The following FAM13A variants were observed in gnomAD, a reference collection of about 807,000 sequenced individuals.
FAM13A encodes protein FAM13A.
A neutral mutation model predicts 129.6 loss-of-function variants in FAM13A; 76 were observed. The observed-to-expected ratio is 0.59, with a 90% CI of 0.49 to 0.71. The LOEUF is 0.71. Ranked by LOEUF, FAM13A falls within the 30% of genes least tolerant of loss-of-function variation. The probability of loss-of-function intolerance (pLI) is 0.00; values close to 1 mark genes in which losing one functional copy is unlikely to be tolerated. For synonymous variants in FAM13A, 443 were observed against 449.9 expected (o/e 0.98, Z 0.20); for missense variants, 1,108 against 1,249.3 (o/e 0.89, Z 1.70).
rs764629257 is a variant in FAM13A at position 88,746,958 on chromosome 4, A to G, written c.2440T>C (p.Tyr814His). 7 of 1,613,566 alleles carry G rather than the reference A, an allele frequency of 4.3e-6. No individual in the cohort carries two copies. Among genetic ancestry groups the G allele is most frequent in the Middle Eastern group, 1.6e-4 (1 of 6,084 alleles). ...EKVALQKALL[Y>H]YESIHGRPVT... ...GGCCGTCCATGAATGCTTTCATAAT[A>G]TAACAGAGCTTTCTGCAGAGCCACT... The change falls in exon 19 of 24, where the codon TAT becomes CAT. Residue 814 changes from tyrosine (Y) to histidine (H), a missense_variant. Transcript: ENST00000264344.
intron 6 of FAM13A, among the ~76,000 whole-genome samples, chr4:88,904,456 T>C (rs933388535): frequency 6.6e-6 from 1 of 152,168 alleles, no homozygotes; most frequent in Non-Finnish European, 1.5e-5. Flanking sequence ...AATGAGATCA[T>C]GTCCTTTCTA....
At chr4:88,888,796 T>C (rs983070554) in intron 6 of FAM13A, among the ~76,000 whole-genome samples, 1 of 142,272 alleles carries the variant, frequency 7.0e-6, no homozygotes, top group East Asian at 2.0e-4. Flanking sequence ...ATTAGCCGGG[T>C]GTGTTGGCGG....
intron 6 of FAM13A, among the ~76,000 whole-genome samples, chr4:88,898,799 G>C (rs1458515008): frequency 6.6e-6 from 1 of 151,882 alleles, no homozygotes; most frequent in Non-Finnish European, 1.5e-5. Context: ...TGGTAAAAAG[G>C]GAACACTTCT....
At chr4:88,783,216 G>A (rs13118477) in intron 10 of FAM13A, among the ~76,000 whole-genome samples, 65,965 of 151,866 alleles carry the variant, frequency 0.43, 14,562 homozygotes, top group East Asian at 0.66. Flanking sequence ...CAAATACTAG[G>A]TCTTTTGCAA....
chr4:88,766,633 T>C (rs1224110739), intron 13 of FAM13A, among the ~76,000 whole-genome samples: 2 of 152,190 alleles, frequency 1.3e-5, no homozygotes, highest in Non-Finnish European at 2.9e-5. Flanking sequence ...TAAGCTGCTA[T>C]GCTGTAAAAC....
chr4:88,728,244 A>C lies in FAM13A; in HGVS notation c.*289T>G. On this transcript the variant is annotated 3_prime_UTR_variant, in exon 24 of 24. Coordinates refer to ENST00000264344, the MANE Select transcript of FAM13A (RefSeq NM_014883.4). ...GTAGTGATTAATCTCTGCTAGTGTTAGGAAAGCTCCACTACTGTGTGTGTG... is the reference window on the plus strand; with the variant it reads ...GTAGTGATTAATCTCTGCTAGTGTTCGGAAAGCTCCACTACTGTGTGTGTG... 2.3e-6 allele frequency: 1 copy of C among 432,272 alleles called. No individual in the cohort carries two copies. Among genetic ancestry groups the C allele is most frequent in the Non-Finnish European group, 4.3e-6 (1 of 235,178 alleles). The allele number at this position is 432,272 out of a possible 1,614,324, so 26.8% of individuals were successfully genotyped here.
In FAM13A at chr4:88,899,106, A is replaced by G. The variant is rs952316002; in HGVS notation, c.843+7273T>C. Among the ~76,000 whole-genome samples, 30 of 145,474 alleles carry G rather than the reference A, an allele frequency of 2.1e-4. 1 individual carries two copies. The highest frequency in any genetic ancestry group is 1.5e-5 in the Non-Finnish European group (1 of 64,572). On this transcript the variant is annotated intron_variant, in intron 6 of 23. Transcript: ENST00000264344. ...TGTGTGTGTATGTATATATACACAC[A>G]CACATACATATATATATATACATAC...
intron 6 of FAM13A, among the ~76,000 whole-genome samples, chr4:88,886,588 TAAAAAGAAAAA>T (rs1048425170): frequency 9.9e-5 from 14 of 142,016 alleles, no homozygotes; most frequent in African/African-American, 3.7e-4. Flanking sequence ...GACTCCATCT[TAAAAAGAAAAA>T]AAAAAGAAAG....
chr4:89,028,400 T>C (rs2149127378), intron 2 of FAM13A, among the ~76,000 whole-genome samples: 1 of 152,060 alleles, frequency 6.6e-6, no homozygotes, highest in Middle Eastern at 3.4e-3. Context: ...AATCCCTTCA[T>C]GGCTGAGCAT....
At chr4:88,729,959 A>C (rs759202254) in intron 23 of FAM13A, 10 of 152,248 alleles carry the variant, frequency 6.6e-5, no homozygotes, top group African/African-American at 9.6e-5. Context: ...TATTTTCTAA[A>C]TACTGTGCAA....
chr4:88,883,381 A>G (rs932015618), intron 6 of FAM13A, among the ~76,000 whole-genome samples: 1 of 152,138 alleles, frequency 6.6e-6, no homozygotes, highest in East Asian at 1.9e-4. Flanking sequence ...ATGCAAATAC[A>G]TGGAAATTTA....
chr4:88,906,225 T>C (rs780525191), intron 6 of FAM13A, among the ~76,000 whole-genome samples, 154 bp downstream of exon 6: 2 of 152,122 alleles, frequency 1.3e-5, no homozygotes, highest in Non-Finnish European at 2.9e-5. Flanking sequence ...GAGGCAGAGG[T>C]TGCAGTGAGC....
chr4:88,854,093 G>A (rs896274887), intron 6 of FAM13A, among the ~76,000 whole-genome samples: 2 of 152,180 alleles, frequency 1.3e-5, no homozygotes, highest in Non-Finnish European at 2.9e-5. Flanking sequence ...TTCACCTTGT[G>A]ATCGTGTGAG....
chr4:89,023,640 T>A (rs1767573351), intron 2 of FAM13A, among the ~76,000 whole-genome samples: 3 of 152,154 alleles, frequency 2.0e-5, no homozygotes, highest in African/African-American at 7.2e-5. Context: ...AATTTAATGC[T>A]CCTCAATAAT....
intron 3 of FAM13A, 47 bp downstream of exon 3, chr4:89,020,413 A>T: frequency 7.1e-7 from 1 of 1,418,006 alleles, no homozygotes; most frequent in Non-Finnish European, 9.9e-7. Context: ...CACCGTGCCC[A>T]GCCTAGTAAA....
At chr4:88,887,870 T>C (rs1261131705) in intron 6 of FAM13A, among the ~76,000 whole-genome samples, 1 of 152,160 alleles carries the variant, frequency 6.6e-6, no homozygotes. Context: ...AAAACCTCTC[T>C]GAGACAAGAA....
At position 88,969,511 on chromosome 4, in the gene FAM13A, G is replaced by A. The variant is rs570538852; in HGVS notation, c.605+21462C>T. On this transcript the variant is annotated intron_variant, in intron 4 of 23. Transcript: ENST00000264344. ...TGGGAAAATAAGGGCACCCTGATTG[G>A]AAGAAACATGTGAACAATGCATATA... is the stretch of plus-strand genomic sequence containing the variant. Among the ~76,000 whole-genome samples, 10 of 152,310 alleles carry A rather than the reference G, an allele frequency of 6.6e-5. No homozygotes were observed. In the East Asian group the frequency reaches 1.9e-3, roughly 29 times the overall value.
chr4:89,026,511 G>C (rs1353014233), intron 2 of FAM13A, among the ~76,000 whole-genome samples: 4 of 152,166 alleles, frequency 2.6e-5, no homozygotes, highest in Admixed American at 6.5e-5. Context: ...AAAAGAAAGA[G>C]GTTTAACTAA....
chr4:89,012,393 C>T (rs1004967691), intron 3 of FAM13A, among the ~76,000 whole-genome samples: 34 of 152,268 alleles, frequency 2.2e-4, no homozygotes, highest in Middle Eastern at 3.4e-3. Context: ...AAGGTCCCTT[C>T]GAGTGTGTCT....
Sources: allele counts gnomAD v4.1 joint callset (sites outside exome capture counted in the v4.1 genomes callset), GRCh38; gene constraint gnomAD v4.1.1; transcripts MANE v1.5; gene names NCBI Gene and HGNC (gene_info 2026-07-23, HGNC 2026-07-21).